MAML2: variants seen among roughly 807,000 people sequenced by gnomAD.
MAML2 encodes mastermind-like protein 2.
A neutral mutation model predicts 96.1 loss-of-function variants in MAML2; 22 were observed. That is an observed-to-expected ratio of 0.23 (90% CI 0.16 to 0.33). MAML2 has a LOEUF of 0.33. MAML2 is among the 10% of genes least tolerant of loss of function. The pLI is 1.00. For missense variants in MAML2, 1,367 were observed against 1,392.4 expected (o/e 0.98, Z 0.29); for synonymous variants, 561 against 521.3 (o/e 1.08, Z -1.04).
intron 1 of MAML2, among the ~76,000 whole-genome samples, chr11:96,338,024 G>T (rs1425155141): frequency 6.6e-6 from 1 of 152,160 alleles, no homozygotes; most frequent in Admixed American, 6.5e-5. Flanking sequence ...TGACATTAGA[G>T]AAAAGATAAT....
chr11:96,260,309 C>G (rs1862729812), intron 1 of MAML2, among the ~76,000 whole-genome samples: 1 of 152,174 alleles, frequency 6.6e-6, no homozygotes, highest in Non-Finnish European at 1.5e-5. Context: ...TCAGGTGACA[C>G]TGGAATAACA....
Position 96,216,950 on chromosome 11 carries a change from A to G in MAML2, c.514-123433T>C, listed in dbSNP as rs145588620. ...CACCAGGGGCAGGAGGAGGTGCACA[A>G]GCAAATAGGTATGTAAGAGGCCATG... On this transcript the variant is annotated intron_variant, in intron 1 of 4. Coordinates refer to ENST00000524717, the MANE Select transcript of MAML2 (RefSeq NM_032427.4). 3.8e-3 allele frequency among the ~76,000 whole-genome samples: 576 copies of G among 152,318 alleles called. 17 individuals carry two copies. Among genetic ancestry groups the G allele is most frequent in the East Asian group, 0.025 (130 of 5,166 alleles).
rs545715788 is a variant in MAML2 at position 96,132,795 on chromosome 11, G to T, written c.514-39278C>A. On this transcript the variant is annotated intron_variant, in intron 1 of 4. Transcript: ENST00000524717. Reference sequence around the variant, plus strand: ...GATTAATTCATCAGTGTATTTGGGTGTTCTGGACTGCTGTATGTTACAGTT... The same window carrying T: ...GATTAATTCATCAGTGTATTTGGGTTTTCTGGACTGCTGTATGTTACAGTT... 2.0e-5 allele frequency among the ~76,000 whole-genome samples: 3 copies of T among 152,292 alleles called. No homozygotes were observed. In the East Asian group the frequency reaches 5.8e-4, roughly 29 times the overall value.
intron 1 of MAML2, among the ~76,000 whole-genome samples, chr11:96,239,675 G>A (rs1862407129): frequency 6.6e-6 from 1 of 152,140 alleles, no homozygotes; most frequent in Admixed American, 6.5e-5. Context: ...CTGTCCACTT[G>A]GAGTTTCCAT....
chr11:96,205,084 G>A (rs759631151), intron 1 of MAML2, among the ~76,000 whole-genome samples: 2 of 152,114 alleles, frequency 1.3e-5, no homozygotes, highest in Non-Finnish European at 2.9e-5. Flanking sequence ...TTCATATAAT[G>A]TGTGAATTTT....
chr11:96,232,961 T>C (rs963576210), intron 1 of MAML2, among the ~76,000 whole-genome samples: 1 of 152,220 alleles, frequency 6.6e-6, no homozygotes, highest in African/African-American at 2.4e-5. Flanking sequence ...TCTGTGAGCA[T>C]GAGTAAAACA....
At chr11:96,132,144 T>A (rs1860557877) in intron 1 of MAML2, among the ~76,000 whole-genome samples, 1 of 152,326 alleles carries the variant, frequency 6.6e-6, no homozygotes, top group South Asian at 2.1e-4. Flanking sequence ...CATATTTTGT[T>A]CTCACCCATG....
intron 1 of MAML2, among the ~76,000 whole-genome samples, chr11:96,244,504 C>T (rs2135962769): frequency 6.6e-6 from 1 of 152,288 alleles, no homozygotes; most frequent in Admixed American, 6.5e-5. Context: ...TGTAATTATT[C>T]ATCCTTAAAT....
intron 1 of MAML2, among the ~76,000 whole-genome samples, chr11:96,237,434 T>C (rs1405355404): frequency 1.3e-5 from 2 of 152,242 alleles, no homozygotes; most frequent in Non-Finnish European, 2.9e-5. Context: ...TTGGCTCTAA[T>C]AGCCTGTACC....
intron 2 of MAML2, among the ~76,000 whole-genome samples, chr11:96,066,959 AGAG>A (rs1179371625): frequency 1.3e-5 from 2 of 152,146 alleles, no homozygotes; most frequent in African/African-American, 4.8e-5. Flanking sequence ...AGAAATAGAG[AGAG>A]CGGAGGGAGC....
At chr11:96,206,735 A>G (rs1294118453) in intron 1 of MAML2, among the ~76,000 whole-genome samples, 1 of 152,232 alleles carries the variant, frequency 6.6e-6, no homozygotes, top group Non-Finnish European at 1.5e-5. Context: ...AAGTCCACAC[A>G]TAAAGTCAAC....
chr11:96,143,367 T>C (rs542001462), intron 1 of MAML2, among the ~76,000 whole-genome samples: 1 of 152,334 alleles, frequency 6.6e-6, no homozygotes, highest in African/African-American at 2.4e-5. Flanking sequence ...TCCTCAAATA[T>C]TAATAGGAAA....
intron 1 of MAML2, among the ~76,000 whole-genome samples, chr11:96,329,023 A>G (rs539436246): frequency 6.6e-6 from 1 of 152,320 alleles, no homozygotes; most frequent in South Asian, 2.1e-4. Context: ...GGAGAGACGG[A>G]TGTACACAGC....
intron 1 of MAML2, among the ~76,000 whole-genome samples, chr11:96,219,194 T>A (rs1862096182): frequency 1.3e-5 from 2 of 152,220 alleles, no homozygotes; most frequent in Admixed American, 1.3e-4. Context: ...GCACTCAATG[T>A]ATTTAGGTTG....
intron 1 of MAML2, among the ~76,000 whole-genome samples, chr11:96,171,062 G>C (rs1861286025): frequency 1.3e-5 from 2 of 151,696 alleles, no homozygotes; most frequent in African/African-American, 4.8e-5. Context: ...GTGCAGACTA[G>C]TTGAGCCCTG....
chr11:96,092,075 T>TTGCTGC lies in MAML2; in HGVS notation c.1950_1955dup (p.Gln664_Gln665dup), dbSNP rs768485776. Reference sequence around the variant, plus strand: ...GCTGCTGCTGTTGTTGCTGTTGTTGTTGCTGCTGCTGCTGCTGTTGTTGCT... The same window carrying TTGCTGC: ...GCTGCTGCTGTTGTTGCTGTTGTTGTTGCTGCTGCTGCTGCTGCTGCTGTTGTTGCT... On this transcript the variant is annotated inframe_insertion, in exon 2 of 5. Coordinates refer to ENST00000524717, the MANE Select transcript of MAML2 (RefSeq NM_032427.4). This position sits in a 1 kb window ranked among gnomAD's most constrained non-coding sequence, Gnocchi z 4.1. The TTGCTGC allele has an allele frequency of 5.8e-6, 9 of 1,547,894 alleles. No individual in the cohort carries two copies. Among genetic ancestry groups the TTGCTGC allele is most frequent in the Admixed American group, 2.0e-5 (1 of 50,848 alleles).
At chr11:96,082,361 G>T (rs1442570596) in intron 2 of MAML2, among the ~76,000 whole-genome samples, 1 of 152,160 alleles carries the variant, frequency 6.6e-6, no homozygotes, top group Non-Finnish European at 1.5e-5. Flanking sequence ...GCACTGTGCT[G>T]TGGGTACTAG....
chr11:96,115,208 G>A (rs1470241208), intron 1 of MAML2, among the ~76,000 whole-genome samples: 2 of 151,694 alleles, frequency 1.3e-5, no homozygotes, highest in African/African-American at 4.8e-5. Context: ...TCTGTGCCCG[G>A]GCTGGAGTAC....
At chr11:96,022,524 G>A (rs1858451260) in intron 2 of MAML2, among the ~76,000 whole-genome samples, 3 of 152,202 alleles carry the variant, frequency 2.0e-5, no homozygotes, top group East Asian at 3.9e-4. Context: ...GGGTCACTGG[G>A]GCCCATAAGC....
Sources: allele counts gnomAD v4.1 joint callset (sites outside exome capture counted in the v4.1 genomes callset), GRCh38; gene constraint gnomAD v4.1.1; non-coding constraint Gnocchi (gnomAD v3.1); transcripts MANE v1.5; gene names NCBI Gene and HGNC (gene_info 2026-07-23, HGNC 2026-07-21).